DLGAP2: variants seen among roughly 807,000 people sequenced by gnomAD.
DLGAP2 encodes the protein disks large-associated protein 2.
In DLGAP2, 26 loss-of-function variants were observed where a neutral mutation model predicts 100.3. That is an observed-to-expected ratio of 0.26 (90% CI 0.19 to 0.36). The LOEUF (loss-of-function observed/expected upper bound fraction) is 0.36. Ranked by LOEUF, DLGAP2 falls within the 10% of genes least tolerant of loss-of-function variation. DLGAP2 has a pLI of 1.00. For missense variants in DLGAP2, 1,858 were observed against 1,453.2 expected (o/e 1.28, Z -4.53); for synonymous variants, 886 against 630.1 (o/e 1.41, Z -6.08).
chr8:981,504 CTGTT>C (rs1310316420), intron 2 of DLGAP2, among the ~76,000 whole-genome samples: 1 of 152,166 alleles, frequency 6.6e-6, no homozygotes, highest in Non-Finnish European at 1.5e-5. Context: ...AATAGTCAAA[CTGTT>C]TGCACAGCAG....
chr8:1,507,217 A>C (rs1368235712), intron 4 of DLGAP2, among the ~76,000 whole-genome samples: 1 of 152,202 alleles, frequency 6.6e-6, no homozygotes, highest in Admixed American at 6.5e-5. Flanking sequence ...GGCAGCGTCC[A>C]TCAGGGAGGC....
At chr8:907,767 G>T (rs1475174740) in intron 1 of DLGAP2, 145 bp from the exon 2 acceptor site, 1 of 389,918 alleles carries the variant, frequency 2.6e-6, no homozygotes. Context: ...TTTCTGTACC[G>T]TTTAATTTGT....
intron 1 of DLGAP2, among the ~76,000 whole-genome samples, chr8:900,994 A>G (rs954506420): frequency 2.0e-5 from 3 of 152,262 alleles, no homozygotes; most frequent in African/African-American, 7.2e-5. Flanking sequence ...TAGTTTTAAA[A>G]GACAAGTCGG....
At chr8:1,104,426 A>G (rs550940284) in intron 2 of DLGAP2, among the ~76,000 whole-genome samples, 1 of 152,318 alleles carries the variant, frequency 6.6e-6, no homozygotes, top group Non-Finnish European at 1.5e-5. Context: ...TGTTACGGAA[A>G]TCCCTTTGGT....
Position 1,027,946 on chromosome 8 carries a change from C to T in DLGAP2, c.73+119980C>T, listed in dbSNP as rs1293668605. On this transcript the variant is annotated intron_variant, in intron 2 of 14. Transcript: ENST00000637795. ...CTCGGTGCCTGTTATTCTCCAGGTGCGGTGCCAGGCGCTCGTTATTCTCTA... is the reference window on the plus strand; with the variant it reads ...CTCGGTGCCTGTTATTCTCCAGGTGTGGTGCCAGGCGCTCGTTATTCTCTA... Among the ~76,000 whole-genome samples the T allele has an allele frequency of 2.8e-4, 19 of 67,362 alleles. No individual in the cohort carries two copies. The East Asian group carries it at 3.1e-3, about 11-fold the overall frequency. The allele number at this position is 67,362 out of a possible 152,430, so 44.2% of individuals were successfully genotyped here.
intron 3 of DLGAP2, chr8:1,301,213 C>G (rs999237719): frequency 6.6e-6 from 1 of 152,326 alleles, no homozygotes; most frequent in Non-Finnish European, 1.5e-5. Context: ...CTTCTCCCAT[C>G]GATACCTGAC....
At chr8:1,666,969 G>C (rs1370913483) in intron 8 of DLGAP2, among the ~76,000 whole-genome samples, 1 of 152,154 alleles carries the variant, frequency 6.6e-6, no homozygotes, top group East Asian at 1.9e-4. Flanking sequence ...CTGCTGCTCG[G>C]TCTGTCCTCA....
At chr8:1,464,749 T>TGCCTCACGCCTCACC (rs1342212049) in intron 3 of DLGAP2, among the ~76,000 whole-genome samples, 14 of 152,224 alleles carry the variant, frequency 9.2e-5, no homozygotes, top group Non-Finnish European at 1.6e-4. Context: ...AAGGGCTCAC[T>TGCCTCACGCCTCACC]GCCTCACGCC....
intron 3 of DLGAP2, among the ~76,000 whole-genome samples, chr8:1,274,473 G>A (rs572542382): frequency 2.1e-4 from 31 of 146,166 alleles, no homozygotes; most frequent in African/African-American, 7.4e-4. Flanking sequence ...ATTTATTTTA[G>A]AACATAAACC....
intron 1 of DLGAP2, among the ~76,000 whole-genome samples, chr8:843,106 A>T (rs1797012391): frequency 6.6e-6 from 1 of 152,078 alleles, no homozygotes; most frequent in South Asian, 2.1e-4. Flanking sequence ...TATTGGATTG[A>T]TTTGACCAGG....
intron 2 of DLGAP2, among the ~76,000 whole-genome samples, chr8:1,001,646 A>G (rs1179221152): frequency 2.0e-5 from 3 of 152,238 alleles, no homozygotes; most frequent in Non-Finnish European, 2.9e-5. Context: ...TATTTTAGCT[A>G]TAGCATTCAA....
intron 12 of DLGAP2, among the ~76,000 whole-genome samples, chr8:1,690,703 C>CAAAAAAAAAAAAAAAA (rs71190752): frequency 1.3e-4 from 8 of 62,080 alleles, no homozygotes; most frequent in Non-Finnish European, 1.6e-4. Context: ...GACCCTATCT[C>CAAAAAAAAAAAAAAAA]AAAAAAAAAA....
At chr8:1,062,474 A>T (rs954290189) in intron 2 of DLGAP2, among the ~76,000 whole-genome samples, 2 of 152,210 alleles carry the variant, frequency 1.3e-5, no homozygotes, top group African/African-American at 4.8e-5. Context: ...ACGGAGTGGC[A>T]GGAGGCTCTC....
rs147795633 is a variant in DLGAP2, at chr8:1,258,934, G to C, written c.106+51G>C. On this transcript the variant is annotated intron_variant, in intron 3 of 14. Coordinates refer to ENST00000637795, the MANE Select transcript of DLGAP2 (RefSeq NM_001346810.2). ...GTGGGCGGGGGCCGCGCGGCTCACA[G>C]GTGTGTGGCTGGCAACAGTCTACCA... The C allele has an allele frequency of 5.7e-4, 695 of 1,226,512 alleles. 1 individual carries two copies. In the African/African-American group the frequency reaches 9.9e-3, roughly 18 times the overall value. 76.0% of individuals were successfully genotyped at this position (1,226,512 alleles called of 1,614,324 possible).
chr8:1,431,855 A>G (rs1797455128), intron 3 of DLGAP2, among the ~76,000 whole-genome samples: 1 of 151,454 alleles, frequency 6.6e-6, no homozygotes, highest in Non-Finnish European at 1.5e-5. Context: ...AGCCCTGAGA[A>G]CCCTGCCGGC....
At chr8:1,684,163 A>C (rs893848507) in intron 12 of DLGAP2, among the ~76,000 whole-genome samples, 1 of 146,818 alleles carries the variant, frequency 6.8e-6, no homozygotes, top group African/African-American at 2.5e-5. Context: ...TAATCAGAAA[A>C]TGTAACTGCA....
chr8:1,371,386 G>A (rs779840779), intron 3 of DLGAP2, among the ~76,000 whole-genome samples: 1 of 152,196 alleles, frequency 6.6e-6, no homozygotes, highest in Non-Finnish European at 1.5e-5. Flanking sequence ...GCAGTTGTCC[G>A]CTTGGCAGAA....
At chr8:1,565,468 T>C (rs1802358948) in intron 5 of DLGAP2, 7 of 483,312 alleles carry the variant, frequency 1.4e-5, no homozygotes, top group Middle Eastern at 5.2e-4. Flanking sequence ...ACTTTATCCA[T>C]AGTGTTTACC....
At chr8:1,054,949 A>G (rs1258133852) in intron 2 of DLGAP2, among the ~76,000 whole-genome samples, 1 of 152,274 alleles carries the variant, frequency 6.6e-6, no homozygotes, top group East Asian at 1.9e-4. Flanking sequence ...TGGCACACAA[A>G]AATAGTTTTT....
Sources: gnomAD v4.1 joint callset for allele counts (sites outside exome capture counted in the v4.1 genomes callset) on GRCh38, gnomAD v4.1.1 for gene constraint, MANE v1.5 for transcripts, NCBI Gene and HGNC (gene_info 2026-07-23, HGNC 2026-07-21) for gene names.